NRCAM: variants seen among roughly 807,000 people sequenced by gnomAD.
NRCAM encodes the protein NgCAM-related cell adhesion molecule.
Under a neutral mutation model 156.5 loss-of-function variants are expected in NRCAM, and 83 were observed. The observed-to-expected ratio is 0.53, with a 90% CI of 0.44 to 0.64. The LOEUF (loss-of-function observed/expected upper bound fraction) is 0.64, where lower values mean the gene tolerates loss of function less well. NRCAM is among the 30% of genes least tolerant of loss of function. The pLI is 0.00. For missense variants in NRCAM, 1,417 were observed against 1,597.3 expected (o/e 0.89, Z 1.92); for synonymous variants, 538 against 563.9 (o/e 0.95, Z 0.65).
At chr7:108,349,199 C>A (rs1307847989) in intron 2 of NRCAM, among the ~76,000 whole-genome samples, 3 of 151,732 alleles carry the variant, frequency 2.0e-5, no homozygotes, top group African/African-American at 7.3e-5. Flanking sequence ...CTCTGAGCCT[C>A]TCAGCAGTTT....
chr7:108,169,939 G>A (rs1019104729), intron 28 of NRCAM, among the ~76,000 whole-genome samples: 16 of 152,224 alleles, frequency 1.1e-4, no homozygotes, highest in Admixed American at 6.5e-4. Context: ...TACTTCTAAC[G>A]GAAAAGCATT....
At chr7:108,447,084 G>C (rs1482440635) in intron 1 of NRCAM, among the ~76,000 whole-genome samples, 2 of 151,720 alleles carry the variant, frequency 1.3e-5, no homozygotes, top group Non-Finnish European at 2.9e-5. Flanking sequence ...GGTTTCACTT[G>C]GTATCTATTT....
chr7:108,393,859 T>G (rs2099769326), intron 2 of NRCAM, among the ~76,000 whole-genome samples: 1 of 152,156 alleles, frequency 6.6e-6, no homozygotes, highest in Non-Finnish European at 1.5e-5. Flanking sequence ...ACGTGCTACA[T>G]CACATGGCCC....
At chr7:108,432,805 G>C (rs1353543284) in intron 1 of NRCAM, among the ~76,000 whole-genome samples, 1 of 152,118 alleles carries the variant, frequency 6.6e-6, no homozygotes, top group Non-Finnish European at 1.5e-5. Context: ...GGAAGCATGA[G>C]ACAGGAGGAT....
At chr7:108,397,958 G>A (rs1164659478) in intron 2 of NRCAM, among the ~76,000 whole-genome samples, 1 of 152,168 alleles carries the variant, frequency 6.6e-6, no homozygotes, top group Non-Finnish European at 1.5e-5. Context: ...AGAATAAAAT[G>A]AAAATAGAGA....
rs776510784 is a variant in NRCAM at position 108,189,708 on chromosome 7, G to C, written c.1972C>G (p.Gln658Glu). 6 of 1,553,636 alleles carry C rather than the reference G, an allele frequency of 3.9e-6. No homozygotes were observed. The highest frequency in any genetic ancestry group is 5.3e-6 in the Non-Finnish European group (6 of 1,127,020). Residue 658 changes from glutamine (Q) to glutamate (E), a missense_variant, in exon 20 of 33, where the codon CAA (glutamine) becomes GAA (glutamate). By Grantham distance (29) the Gln-to-Glu change is conservative (BLOSUM62 2). Transcript: ENST00000379028. Reference sequence around the variant, plus strand: ...GACAGCTGAACACTTTTGTCAAGTTGATCTGTCAGTTCTAAGTCAAAGGGA... The same window carrying C: ...GACAGCTGAACACTTTTGTCAAGTTCATCTGTCAGTTCTAAGTCAAAGGGA... Reference protein sequence around the residue: ...NPPFDLELTDQLDKSVQLSWT... With the variant: ...NPPFDLELTDELDKSVQLSWT...
chr7:108,253,626 GGTAA>G (rs1590132402), intron 3 of NRCAM, among the ~76,000 whole-genome samples: 1 of 152,206 alleles, frequency 6.6e-6, no homozygotes, highest in South Asian at 2.1e-4. Flanking sequence ...TGCCAAGCTG[GGTAA>G]GTGAGTTAAA....
rs978880252 is a variant in NRCAM, at chr7:108,189,838, A to G, written c.1934-92T>C. 1.6e-5 allele frequency: 10 copies of G among 635,200 alleles called. No homozygotes were observed. The African/African-American group carries it at 1.7e-4, about 11-fold the overall frequency. 39.3% of individuals were successfully genotyped at this position (635,200 alleles called of 1,614,324 possible). A position where few individuals can be genotyped will look rare whatever the true frequency, so the allele number is the denominator to read the frequency against. On this transcript the variant is annotated intron_variant, in intron 19 of 32. Coordinates refer to ENST00000379028, the MANE Select transcript of NRCAM (RefSeq NM_001037132.4). Reference sequence around the variant, plus strand: ...ATACTATTCACAGAGGGGACATCTTAAAGACACAGCACACTTGATAGTCAA... The same window carrying G: ...ATACTATTCACAGAGGGGACATCTTGAAGACACAGCACACTTGATAGTCAA...
Position 108,180,322 on chromosome 7 carries a change from G to C in NRCAM, c.2752C>G (p.Leu918Val), listed in dbSNP as rs745616800. The C allele has an allele frequency of 1.8e-5, 29 of 1,614,206 alleles. No individual in the cohort carries two copies. In the Admixed American group the frequency reaches 3.0e-4, roughly 17 times the overall value. ...AGTGTGTAGTGGCTAAAGGGCTCTA[G>C]CCCCGGCAACATGCCATGAGTCTTG... is the stretch of plus-strand genomic sequence containing the variant. ...GSKTHGMLPG[L>V]EPFSHYTLNV... Residue 918 changes from leucine to valine, a missense_variant, in exon 25 of 33, where the codon CTA (leucine) becomes GTA (valine). Leu to Val is a conservative substitution (Grantham distance 32). Around this residue, in one of 2 missense-constraint regions of NRCAM, gnomAD observed 1,238 missense variants for 1,336.4 expected, o/e 0.93. Coordinates refer to ENST00000379028, the MANE Select transcript of NRCAM (RefSeq NM_001037132.4).
chr7:108,433,302 T>C (rs1828032115), intron 1 of NRCAM, among the ~76,000 whole-genome samples: 2 of 152,130 alleles, frequency 1.3e-5, no homozygotes, highest in South Asian at 4.2e-4. Flanking sequence ...CTTGTAGCAG[T>C]CAGTCCTCTG....
At chr7:108,406,120 T>C (rs1274046594) in intron 1 of NRCAM, among the ~76,000 whole-genome samples, 1 of 152,016 alleles carries the variant, frequency 6.6e-6, no homozygotes, top group Non-Finnish European at 1.5e-5. Context: ...TGGTAAATAC[T>C]GTGAACAACA....
chr7:108,385,213 T>A (rs2099736383), intron 2 of NRCAM, among the ~76,000 whole-genome samples: 1 of 152,234 alleles, frequency 6.6e-6, no homozygotes, highest in Non-Finnish European at 1.5e-5. Flanking sequence ...CACATTAGGA[T>A]GATTCAAACC....
chr7:108,389,491 T>C (rs2099752744), intron 2 of NRCAM, among the ~76,000 whole-genome samples: 1 of 152,248 alleles, frequency 6.6e-6, no homozygotes, highest in Non-Finnish European at 1.5e-5. Context: ...TACAATCATG[T>C]CATCTGCAAA....
At chr7:108,185,154 T>C (rs2065917650) in intron 20 of NRCAM, among the ~76,000 whole-genome samples, 1 of 152,136 alleles carries the variant, frequency 6.6e-6, no homozygotes, top group Admixed American at 6.5e-5. Context: ...ACACAAGGAA[T>C]CAAGCATTCT....
rs748173615 is a variant in NRCAM, at chr7:108,180,428, C to G, written c.2647-1G>C. On this transcript the variant is annotated splice_acceptor_variant, in intron 24 of 32. Coordinates refer to ENST00000379028, the MANE Select transcript of NRCAM (RefSeq NM_001037132.4). LOFTEE classifies it high-confidence loss of function. ...AACTCTGGGTCTTCCAATAGTAAATCTGAAACAGCAAGAACGAAAGTCAGG... is the reference window on the plus strand; with the variant it reads ...AACTCTGGGTCTTCCAATAGTAAATGTGAAACAGCAAGAACGAAAGTCAGG... The G allele has an allele frequency of 1.2e-6, 2 of 1,613,344 alleles. No homozygotes were observed. The highest frequency in any genetic ancestry group is 1.7e-6 in the Non-Finnish European group (2 of 1,179,320).
rs1300277530 is a variant in NRCAM, at chr7:108,166,938, A to G, written c.3449T>C (p.Val1150Ala). ...GDSGFVSSED[V>A]FETGPAMASR... Reference sequence around the variant, plus strand: ...AGCCTCACCTGGGCCTGTCTCAAACACATCCTCTGAACTCACAAAACCAGA... The same window carrying G: ...AGCCTCACCTGGGCCTGTCTCAAACGCATCCTCTGAACTCACAAAACCAGA... The change falls in exon 30 of 33, where the codon GTG becomes GCG. Residue 1150 changes from valine (V) to alanine (A), a missense_variant. Coordinates refer to ENST00000379028, the MANE Select transcript of NRCAM (RefSeq NM_001037132.4). 2 of 1,613,860 alleles carry G rather than the reference A, an allele frequency of 1.2e-6. No individual in the cohort carries two copies. The highest frequency in any genetic ancestry group is 1.1e-5 in the South Asian group (1 of 91,048).
At chr7:108,301,778 T>C (rs1055495078) in intron 3 of NRCAM, among the ~76,000 whole-genome samples, 1 of 152,110 alleles carries the variant, frequency 6.6e-6, no homozygotes, top group African/African-American at 2.4e-5. Context: ...AATTTATGAA[T>C]ATGAATTATT....
chr7:108,176,742 C>A (rs2060633497), intron 26 of NRCAM, 136 bp from the exon 27 acceptor site: 3 of 644,046 alleles, frequency 4.7e-6, no homozygotes, highest in Admixed American at 3.0e-5. Flanking sequence ...CTTTCCCCAG[C>A]ATAACTAAGT....
At chr7:108,446,381 C>T (rs1450088563) in intron 1 of NRCAM, among the ~76,000 whole-genome samples, 5 of 152,106 alleles carry the variant, frequency 3.3e-5, no homozygotes. Context: ...AACAAAACCC[C>T]CCAATTTTCC....
Sources: allele counts gnomAD v4.1 joint callset (sites outside exome capture counted in the v4.1 genomes callset), GRCh38; gene constraint gnomAD v4.1.1; regional missense constraint gnomAD v4.1.1; transcripts MANE v1.5; gene names NCBI Gene and HGNC (gene_info 2026-07-23, HGNC 2026-07-21).